DMBX1: variants seen among roughly 807,000 people sequenced by gnomAD.
DMBX1 encodes the protein diencephalon/mesencephalon homeobox 1.
Under a neutral mutation model 30.4 loss-of-function variants are expected in DMBX1, and 7 were observed. The ratio of observed to expected loss-of-function variants is 0.23; its 90% CI spans 0.13 to 0.43. The LOEUF (loss-of-function observed/expected upper bound fraction) is 0.43, where lower values mean the gene tolerates loss of function less well. DMBX1 is among the 20% of genes least tolerant of loss of function. The probability of loss-of-function intolerance (pLI) is 1.00; values close to 1 mark genes in which losing one functional copy is unlikely to be tolerated. For synonymous variants in DMBX1, 222 were observed against 214.2 expected (o/e 1.04, Z -0.32); for missense variants, 460 against 508.5 (o/e 0.90, Z 0.92).
chr1:46,501,576 C>T (rs1383034386), intron 2 of DMBX1, among the ~76,000 whole-genome samples: 1 of 152,074 alleles, frequency 6.6e-6, no homozygotes, highest in Non-Finnish European at 1.5e-5. Context: ...CTTTTTCTTT[C>T]TTTGGTTATA....
At chr1:46,494,889 C>G (rs929654518) in intron 2 of DMBX1, among the ~76,000 whole-genome samples, 2 of 152,122 alleles carry the variant, frequency 1.3e-5, no homozygotes, top group Non-Finnish European at 2.9e-5. Flanking sequence ...GCAGGGTTAA[C>G]GGTGGCGATG....
Position 46,502,889 on chromosome 1 carries a change from AAAAAC to A in DMBX1, c.-12-4095_-12-4091del, listed in dbSNP as rs374657661. Among the ~76,000 whole-genome samples the A allele has an allele frequency of 2.0e-5, 3 of 152,146 alleles. No homozygotes were observed. The East Asian group carries it at 5.8e-4, about 29-fold the overall frequency. On this transcript the variant is annotated intron_variant, in intron 2 of 5. Transcript: ENST00000360032. ...AGCGAGACCCTGTCTCAGAAATAAA[AAAAAC>A]AAAACAAAACAAAAAAACCCAGATC... is the stretch of plus-strand genomic sequence containing the variant.
At chr1:46,500,998 G>A (rs1020811071) in intron 2 of DMBX1, among the ~76,000 whole-genome samples, 56 of 152,254 alleles carry the variant, frequency 3.7e-4, no homozygotes, top group African/African-American at 1.2e-3. Flanking sequence ...ACTCTCTAAA[G>A]GCTTTTGATG....
chr1:46,501,210 C>CT (rs1444477002), intron 2 of DMBX1, among the ~76,000 whole-genome samples: 11 of 76,672 alleles, frequency 1.4e-4, no homozygotes, highest in South Asian at 1.2e-3. Flanking sequence ...TCCTTCCTTC[C>CT]TTCCTTTCTT....
In DMBX1 at chr1:46,501,192, C is replaced by CCCTTCCTTCCTTCCTTCCTTCCTT. The variant is rs1553186644; in HGVS notation, c.-12-5806_-12-5783dup. Among the ~76,000 whole-genome samples, 230 of 67,790 alleles carry CCCTTCCTTCCTTCCTTCCTTCCTT rather than the reference C, an allele frequency of 3.4e-3. 14 individuals are homozygous for CCCTTCCTTCCTTCCTTCCTTCCTT. The highest frequency in any genetic ancestry group is 5.1e-3 in the African/African-American group (70 of 13,734). 44.5% of individuals were successfully genotyped at this position (67,790 alleles called of 152,430 possible). A position where few individuals can be genotyped will look rare whatever the true frequency, so the allele number is the denominator to read the frequency against. ...TCTCTTTCTTTCTGTTTCTTTCTCT[C>CCCTTCCTTCCTTCCTTCCTTCCTT]CCTTCCTTCCTTCCTTCCTTCCTTT... On this transcript the variant is annotated intron_variant, in intron 2 of 5. Coordinates refer to ENST00000360032, the MANE Select transcript of DMBX1 (RefSeq NM_172225.2).
intron 3 of DMBX1, among the ~76,000 whole-genome samples, 167 bp downstream of exon 3, chr1:46,507,331 G>A (rs1374594938): frequency 2.6e-5 from 4 of 152,236 alleles, no homozygotes; most frequent in Non-Finnish European, 4.4e-5. Flanking sequence ...AACTATGCAT[G>A]TATATCCAGA....
chr1:46,506,921 C>G, intron 2 of DMBX1, 78 bp from the exon 3 acceptor site: 1 of 1,532,130 alleles, frequency 6.5e-7, no homozygotes, highest in Non-Finnish European at 8.9e-7. Flanking sequence ...CATCCAGGGT[C>G]TGGACTGGGG....
chr1:46,491,786 G>C lies in DMBX1; in HGVS notation c.-13+1003G>C, dbSNP rs1416414265. Among the ~76,000 whole-genome samples the C allele has an allele frequency of 6.6e-6, 1 of 151,974 alleles. No individual in the cohort carries two copies. Among genetic ancestry groups the C allele is most frequent in the Non-Finnish European group, 1.5e-5 (1 of 67,988 alleles). ...TTGTGTTTCACTTACCCACATCCCT[G>C]GTTCTCCCCTCGAATGGAAAGGCAC... is the stretch of plus-strand genomic sequence containing the variant. On this transcript the variant is annotated intron_variant, in intron 2 of 5. Coordinates refer to ENST00000360032, the MANE Select transcript of DMBX1 (RefSeq NM_172225.2). This position sits in a 1 kb window ranked among gnomAD's most constrained non-coding sequence, Gnocchi z 5.5.
At chr1:46,504,396 G>A (rs1296210283) in intron 2 of DMBX1, among the ~76,000 whole-genome samples, 1 of 149,714 alleles carries the variant, frequency 6.7e-6, no homozygotes, top group Admixed American at 6.6e-5. Flanking sequence ...TTTGTATAAG[G>A]TGTAAGGAAG....
rs1035765053 is a variant in DMBX1, at chr1:46,513,706, A to G, written c.*1212A>G. On this transcript the variant is annotated 3_prime_UTR_variant, in exon 6 of 6. Transcript: ENST00000360032. ...AGCTGAGCCTCCACGTTCAGCAGAT[A>G]CTGTCCAAGGCAGGGGTACGGCTGA... 1 of 152,320 alleles carries G rather than the reference A, an allele frequency of 6.6e-6. No homozygotes were observed. Among genetic ancestry groups the G allele is most frequent in the Non-Finnish European group, 1.5e-5 (1 of 68,130 alleles). 9.4% of individuals were successfully genotyped at this position (152,320 alleles called of 1,614,324 possible).
rs987841451 is a variant in DMBX1, at chr1:46,493,694, A to C, written c.-13+2911A>C. Among the ~76,000 whole-genome samples, 5 of 152,214 alleles carry C rather than the reference A, an allele frequency of 3.3e-5. No individual in the cohort carries two copies. The highest frequency in any genetic ancestry group is 7.4e-5 in the Non-Finnish European group (5 of 68,024). On this transcript the variant is annotated intron_variant, in intron 2 of 5. Coordinates refer to ENST00000360032, the MANE Select transcript of DMBX1 (RefSeq NM_172225.2). This position sits in a 1 kb window ranked among gnomAD's most constrained non-coding sequence, Gnocchi z 4.1. ...ATGAGCCCCGAGGCCACTGGAGCCC[A>C]CTGGGTTTCCCGGCCTGTTCCAGCC...
chr1:46,511,315 G>A, intron 5 of DMBX1, 32 bp downstream of exon 5: 3 of 1,498,088 alleles, frequency 2.0e-6, no homozygotes, highest in East Asian at 4.9e-5. Context: ...GGGAGGGCTG[G>A]GGTCTGGGGG....
At chr1:46,505,295 GCA>G (rs1370581459) in intron 2 of DMBX1, among the ~76,000 whole-genome samples, 1 of 147,696 alleles carries the variant, frequency 6.8e-6, no homozygotes, top group African/African-American at 2.5e-5. Context: ...AAAGACACAT[GCA>G]CACATATGTT....
chr1:46,492,036 A>G (rs1665938785), intron 2 of DMBX1, among the ~76,000 whole-genome samples: 1 of 152,166 alleles, frequency 6.6e-6, no homozygotes, highest in Admixed American at 6.5e-5. Flanking sequence ...ACCTTACCCC[A>G]CCCCTGCAGT....
chr1:46,501,218 CTT>C, intron 2 of DMBX1, among the ~76,000 whole-genome samples: 1 of 85,910 alleles, frequency 1.2e-5, no homozygotes, highest in African/African-American at 4.8e-5. Context: ...TCCTTCCTTT[CTT>C]TCTTTCTTTC....
Position 46,507,021 on chromosome 1 carries a change from A to T in DMBX1, c.11A>T (p.Tyr4Phe). 1 of 1,614,172 alleles carries T rather than the reference A, an allele frequency of 6.2e-7. No homozygotes were observed. Reference sequence around the variant, plus strand: ...TAGGCGGATGCCGCCATGCAGCACTACGGGGTGAACGGCTACTCACTGCAC... The same window carrying T: ...TAGGCGGATGCCGCCATGCAGCACTTCGGGGTGAACGGCTACTCACTGCAC... MQH[Y>F]GVNGYSLHAM... Residue 4 changes from tyrosine to phenylalanine, a missense_variant, in exon 3 of 6, where the codon TAC becomes TTC. Tyr to Phe is a conservative substitution (Grantham distance 22, BLOSUM62 3). This residue lies in a region of DMBX1 where 124 missense variants were observed against 144.0 expected (regional missense o/e 0.86). Coordinates refer to ENST00000360032, the MANE Select transcript of DMBX1 (RefSeq NM_172225.2).
Position 46,510,069 on chromosome 1 carries a change from C to A in DMBX1, c.155-407C>A, listed in dbSNP as rs886859965. ...CTGATGCTAAAGAAGTCTTAGTATT[C>A]AGAATCTAAGGGCTATAGGGTCTTA... is the stretch of plus-strand genomic sequence containing the variant. On this transcript the variant is annotated intron_variant, in intron 3 of 5. Transcript: ENST00000360032. The surrounding 1 kb of genome is among the most constrained non-coding windows in gnomAD (Gnocchi z 4.1). Among the ~76,000 whole-genome samples, 1 of 152,148 alleles carries A rather than the reference C, an allele frequency of 6.6e-6. No individual in the cohort carries two copies. The highest frequency in any genetic ancestry group is 1.5e-5 in the Non-Finnish European group (1 of 68,012).
chr1:46,499,051 T>C (rs200352387), intron 2 of DMBX1, among the ~76,000 whole-genome samples: 13 of 143,052 alleles, frequency 9.1e-5, no homozygotes, highest in Non-Finnish European at 1.4e-4. Context: ...CTTTTCTTTT[T>C]TTTTTTTTGA....
At chr1:46,498,633 A>G (rs11211294) in intron 2 of DMBX1, among the ~76,000 whole-genome samples, 6,831 of 152,180 alleles carry the variant, frequency 0.045, 415 homozygotes, top group East Asian at 0.23. Flanking sequence ...CATCATTTGC[A>G]CACATGGGCT....
Sources: allele counts gnomAD v4.1 joint callset (sites outside exome capture counted in the v4.1 genomes callset), GRCh38; gene constraint gnomAD v4.1.1; regional missense constraint gnomAD v4.1.1; non-coding constraint Gnocchi (gnomAD v3.1); transcripts MANE v1.5; gene names NCBI Gene and HGNC (gene_info 2026-07-23, HGNC 2026-07-21).